Variants in CENPW observed in about 807,000 individuals in gnomAD.
CENPW encodes the protein cancer-up-regulated gene 2 protein.
In CENPW, 3 loss-of-function variants were observed where a neutral mutation model predicts 11.1. That is an observed-to-expected ratio of 0.27 (90% CI 0.12 to 0.70). CENPW has a LOEUF of 0.70. Among genes scored for constraint, CENPW ranks in the 30% least tolerant of loss-of-function variants. CENPW has a pLI of 0.77. For synonymous variants in CENPW, 38 were observed against 42.0 expected, an observed-to-expected ratio of 0.91 and a Z score of 0.37; for missense variants, 100 against 105.6, an observed-to-expected ratio of 0.95 and a Z score of 0.23.
chr6:126,356,522 T>A, the CENPW span, among the ~76,000 whole-genome samples: 1 of 152,242 alleles, frequency 6.6e-6, no homozygotes, highest in African/African-American at 2.4e-5. Context: ...TTATGTTTTG[T>A]TAACAGTGGC....
At chr6:126,401,672 TA>T in the CENPW span, among the ~76,000 whole-genome samples, 1 of 152,044 alleles carries the variant, frequency 6.6e-6, no homozygotes, top group African/African-American at 2.4e-5. Context: ...ATATGTGAGA[TA>T]AAGGAGATGG....
chr6:126,469,365 C>T, the CENPW span, among the ~76,000 whole-genome samples: 2 of 152,160 alleles, frequency 1.3e-5, no homozygotes, highest in South Asian at 2.1e-4. Context: ...CCATCTTCTG[C>T]CATGATTGTA....
chr6:126,434,814 A>T, the CENPW span, among the ~76,000 whole-genome samples: 1 of 151,998 alleles, frequency 6.6e-6, no homozygotes, highest in South Asian at 2.1e-4. Flanking sequence ...CCTGAGAATA[A>T]GCTACAAAAT....
chr6:126,440,270 A>G, the CENPW span, among the ~76,000 whole-genome samples: 1 of 151,596 alleles, frequency 6.6e-6, no homozygotes, highest in East Asian at 1.9e-4. Context: ...TAGTTTGTAT[A>G]ATTCCTTAAA....
At chr6:126,453,471 A>T in the CENPW span, among the ~76,000 whole-genome samples, 1 of 151,232 alleles carries the variant, frequency 6.6e-6, no homozygotes, top group Non-Finnish European at 1.5e-5. Flanking sequence ...TCATAAGGGC[A>T]GGAGAAATAA....
chr6:126,439,802 T>C, the CENPW span, among the ~76,000 whole-genome samples: 2 of 151,630 alleles, frequency 1.3e-5, no homozygotes, highest in Non-Finnish European at 3.0e-5. Flanking sequence ...GCCAAGATCA[T>C]GGTATTCCCC....
chr6:126,364,875 T>A, the CENPW span, among the ~76,000 whole-genome samples: 1 of 152,172 alleles, frequency 6.6e-6, no homozygotes, highest in African/African-American at 2.4e-5. Context: ...GAAAATACCC[T>A]GTTTGCATAA....
At chr6:126,419,565 A>G in the CENPW span, among the ~76,000 whole-genome samples, 12 of 152,322 alleles carry the variant, frequency 7.9e-5, no homozygotes, top group South Asian at 2.5e-3. Flanking sequence ...GAGTATTAGT[A>G]TTCTACTGCT....
the CENPW span, among the ~76,000 whole-genome samples, chr6:126,370,310 A>C: frequency 6.6e-6 from 1 of 152,002 alleles, no homozygotes; most frequent in African/African-American, 2.4e-5. Context: ...GTGAAGAATG[A>C]TGGTGCTATT....
the CENPW span, among the ~76,000 whole-genome samples, chr6:126,373,976 G>A: frequency 6.6e-6 from 1 of 152,174 alleles, no homozygotes; most frequent in Admixed American, 6.6e-5. Flanking sequence ...TAATTGCTGT[G>A]GGAGTTCTAA....
At chr6:126,478,223 A>T in the CENPW span, among the ~76,000 whole-genome samples, 1 of 152,006 alleles carries the variant, frequency 6.6e-6, no homozygotes, top group African/African-American at 2.4e-5. Context: ...TTACCCAGTC[A>T]GACAATCACA....
chr6:126,471,539 C>T, the CENPW span, among the ~76,000 whole-genome samples: 5 of 151,814 alleles, frequency 3.3e-5, no homozygotes, highest in Non-Finnish European at 5.9e-5. Flanking sequence ...TTTTAAATGG[C>T]CAAAAATTGA....
At chr6:126,401,731 G>A in the CENPW span, among the ~76,000 whole-genome samples, 68 of 151,954 alleles carry the variant, frequency 4.5e-4, 3 homozygotes, top group South Asian at 0.012. Flanking sequence ...TGCTGAATCC[G>A]TCACCAAGCC....
downstream of CENPW, among the ~76,000 whole-genome samples, chr6:126,349,026 A>G (rs1020556132): frequency 6.6e-6 from 1 of 152,072 alleles, no homozygotes; most frequent in Non-Finnish European, 1.5e-5. Flanking sequence ...TTCAAAACCT[A>G]TCTCCCTCCC....
chr6:126,477,566 C>A, the CENPW span, among the ~76,000 whole-genome samples: 4 of 151,750 alleles, frequency 2.6e-5, no homozygotes, highest in Admixed American at 2.0e-4. Context: ...TTCTACTTTA[C>A]AAATAAAGGA....
the CENPW span, among the ~76,000 whole-genome samples, chr6:126,366,896 G>A: frequency 6.6e-6 from 1 of 152,188 alleles, no homozygotes; most frequent in South Asian, 2.1e-4. Context: ...GGTCAAGACA[G>A]ATGCACAAGA....
the CENPW span, among the ~76,000 whole-genome samples, chr6:126,411,886 TCCTA>T: frequency 2.0e-5 from 3 of 151,134 alleles, no homozygotes; most frequent in Admixed American, 2.0e-4. Context: ...CTTCCGTCCT[TCCTA>T]CCTTCCTTCC....
At chr6:126,359,571 T>TC in the CENPW span, among the ~76,000 whole-genome samples, 2 of 152,118 alleles carry the variant, frequency 1.3e-5, no homozygotes, top group Non-Finnish European at 2.9e-5. Flanking sequence ...TTTTCCTAGG[T>TC]CAAGAACTTG....
chr6:126,382,741 A>C, the CENPW span, among the ~76,000 whole-genome samples: 1 of 152,190 alleles, frequency 6.6e-6, no homozygotes, highest in Non-Finnish European at 1.5e-5. Flanking sequence ...AAGAATAAAA[A>C]AAATTAAAAT....
Sources: gnomAD v4.1 joint callset for allele counts (sites outside exome capture counted in the v4.1 genomes callset) on GRCh38, gnomAD v4.1.1 for gene constraint, MANE v1.5 for transcripts, NCBI Gene and HGNC (gene_info 2026-07-23, HGNC 2026-07-21) for gene names.